MAGI2: variants seen among roughly 807,000 people sequenced by gnomAD.
MAGI2 encodes the protein membrane associated guanylate kinase, WW and PDZ domain containing 2.
Under a neutral mutation model 133.3 loss-of-function variants are expected in MAGI2, and 35 were observed. The ratio of observed to expected loss-of-function variants is 0.26; its 90% CI spans 0.20 to 0.35. The LOEUF is 0.35. Ranked by LOEUF, MAGI2 falls within the 10% of genes least tolerant of loss-of-function variation. MAGI2 has a pLI of 1.00. For missense variants in MAGI2, 1,636 were observed against 1,863.4 expected (o/e 0.88, Z 2.25); for synonymous variants, 729 against 710.6 (o/e 1.03, Z -0.41).
At chr7:78,928,510 A>C (rs1799878428) in intron 2 of MAGI2, among the ~76,000 whole-genome samples, 1 of 152,012 alleles carries the variant, frequency 6.6e-6, no homozygotes, top group Admixed American at 6.6e-5. Context: ...CTTTTTAGGT[A>C]ACTAGAATAA....
chr7:78,406,324 A>G lies in MAGI2; in HGVS notation c.1046-37111T>C, dbSNP rs115638766. Among the ~76,000 whole-genome samples the G allele has an allele frequency of 3.0e-3, 459 of 152,172 alleles. 1 individual carries two copies. The highest frequency in any genetic ancestry group is 0.01 in the African/African-American group (428 of 41,576). ...AACAGTATTTAAATTTAACCTTTGT[A>G]ACTAGGAGCTGTATTTCCGACCTTG... is the stretch of plus-strand genomic sequence containing the variant. On this transcript the variant is annotated intron_variant, in intron 6 of 21. Transcript: ENST00000354212.
chr7:78,649,579 A>G (rs1811326481), intron 2 of MAGI2, among the ~76,000 whole-genome samples: 1 of 152,096 alleles, frequency 6.6e-6, no homozygotes, highest in African/African-American at 2.4e-5. Context: ...ACTAAAAATA[A>G]TAAAACTATT....
chr7:78,365,398 AGCAG>A (rs1345160141), intron 7 of MAGI2, among the ~76,000 whole-genome samples: 1 of 152,220 alleles, frequency 6.6e-6, no homozygotes, highest in African/African-American at 2.4e-5. Flanking sequence ...CGAAATTTAT[AGCAG>A]GCATTTTGGG....
intron 10 of MAGI2, among the ~76,000 whole-genome samples, chr7:78,201,640 C>G (rs948437847): frequency 6.6e-6 from 1 of 152,140 alleles, no homozygotes; most frequent in Admixed American, 6.5e-5. Context: ...AATTAATAAG[C>G]CTTCATTATT....
intron 2 of MAGI2, among the ~76,000 whole-genome samples, chr7:78,709,954 A>G (rs12112639): frequency 6.6e-6 from 1 of 152,028 alleles, no homozygotes; most frequent in African/African-American, 2.4e-5. Context: ...CAGTCTTTTC[A>G]TGACTCTTCT....
intron 2 of MAGI2, among the ~76,000 whole-genome samples, chr7:78,989,344 G>A (rs1283139896): frequency 6.6e-6 from 1 of 152,014 alleles, no homozygotes; most frequent in Non-Finnish European, 1.5e-5. Context: ...TACACCAGTA[G>A]GAAAAGTGCA....
chr7:78,783,560 T>C (rs924128114), intron 2 of MAGI2, among the ~76,000 whole-genome samples: 42 of 152,368 alleles, frequency 2.8e-4, no homozygotes, highest in Admixed American at 2.5e-3. Flanking sequence ...CTAGTGTTTT[T>C]GGATGGGAGT....
At chr7:78,912,686 G>C (rs1039585773) in intron 2 of MAGI2, among the ~76,000 whole-genome samples, 12 of 149,842 alleles carry the variant, frequency 8.0e-5, no homozygotes, top group East Asian at 2.0e-4. Flanking sequence ...CCTTGTGTTC[G>C]TGTGAGTTAA....
At chr7:78,874,799 A>G (rs1179263804) in intron 2 of MAGI2, among the ~76,000 whole-genome samples, 1 of 152,202 alleles carries the variant, frequency 6.6e-6, no homozygotes, top group Non-Finnish European at 1.5e-5. Context: ...AAGAAATTAT[A>G]AATGGTTGAA....
chr7:78,281,312 C>T (rs1435415738), intron 9 of MAGI2, among the ~76,000 whole-genome samples: 1 of 151,048 alleles, frequency 6.6e-6, no homozygotes, highest in Non-Finnish European at 1.5e-5. Context: ...TCTCCATAAT[C>T]CCCACATGTC....
chr7:79,136,012 A>AGAAAGAAAGAAG (rs1821430447), intron 1 of MAGI2, among the ~76,000 whole-genome samples: 1 of 130,850 alleles, frequency 7.6e-6, no homozygotes. Flanking sequence ...AGAGAAAGAA[A>AGAAAGAAAGAAG]GAAAGAAAGA....
At chr7:78,318,062 T>C (rs2151112852) in intron 9 of MAGI2, among the ~76,000 whole-genome samples, 1 of 152,198 alleles carries the variant, frequency 6.6e-6, no homozygotes, top group Non-Finnish European at 1.5e-5. Context: ...GAATGCCTCT[T>C]CTCCTCCAAA....
At chr7:79,106,145 T>C (rs1818431778) in intron 1 of MAGI2, among the ~76,000 whole-genome samples, 2 of 152,190 alleles carry the variant, frequency 1.3e-5, no homozygotes, top group African/African-American at 4.8e-5. Flanking sequence ...TATTGATACA[T>C]GCAGCAAATT....
At chr7:78,859,745 T>C (rs1168132065) in intron 2 of MAGI2, among the ~76,000 whole-genome samples, 2 of 152,210 alleles carry the variant, frequency 1.3e-5, no homozygotes, top group Non-Finnish European at 2.9e-5. Context: ...AGGAGTATCT[T>C]CATGGCGTTC....
At chr7:78,244,898 A>G (rs1791596526) in intron 10 of MAGI2, among the ~76,000 whole-genome samples, 1 of 152,206 alleles carries the variant, frequency 6.6e-6, no homozygotes, top group Non-Finnish European at 1.5e-5. Context: ...ATGGGAATTG[A>G]GGGGTATTTC....
At chr7:78,845,656 A>G (rs1054062484) in intron 2 of MAGI2, among the ~76,000 whole-genome samples, 4 of 151,988 alleles carry the variant, frequency 2.6e-5, no homozygotes, top group Non-Finnish European at 5.9e-5. Context: ...GAAGAAAAAT[A>G]TCATATTAAT....
intron 16 of MAGI2, 167 bp downstream of exon 16, chr7:78,159,854 ACTGT>A: frequency 6.9e-6 from 5 of 723,452 alleles, no homozygotes; most frequent in Non-Finnish European, 1.0e-5. Flanking sequence ...GAGGTCAGTA[ACTGT>A]CTGCTAGTCA....
At chr7:78,826,206 T>G (rs1387919674) in intron 2 of MAGI2, among the ~76,000 whole-genome samples, 1 of 151,510 alleles carries the variant, frequency 6.6e-6, no homozygotes, top group Non-Finnish European at 1.5e-5. Flanking sequence ...CAAAAAAAAT[T>G]AGCCAGGTGT....
At chr7:79,403,996 A>G (rs1041892120) in intron 1 of MAGI2, among the ~76,000 whole-genome samples, 6 of 152,292 alleles carry the variant, frequency 3.9e-5, no homozygotes, top group African/African-American at 1.4e-4. Context: ...CAAGAAGATA[A>G]TGGGAAAAGG....
Sources: allele counts gnomAD v4.1 joint callset (sites outside exome capture counted in the v4.1 genomes callset), GRCh38; gene constraint gnomAD v4.1.1; transcripts MANE v1.5; gene names NCBI Gene and HGNC (gene_info 2026-07-23, HGNC 2026-07-21).